The following HECW1 variants were observed in gnomAD, a reference collection of about 807,000 sequenced individuals.
HECW1 encodes the protein E3 ubiquitin-protein ligase HECW1.
HECW1 carries 61 observed loss-of-function variants against 182.3 expected under a neutral mutation model. The observed-to-expected ratio is 0.33, with a 90% CI of 0.27 to 0.41. HECW1 has a LOEUF of 0.41. Ranked by LOEUF, HECW1 falls within the 10% of genes least tolerant of loss-of-function variation. The pLI, the probability that HECW1 is intolerant of heterozygous loss-of-function variation, is 1.00. For missense variants in HECW1, 1,739 were observed against 2,108.9 expected (o/e 0.82, Z 3.44); for synonymous variants, 859 against 832.6 (o/e 1.03, Z -0.55).
chr7:43,377,141 C>T (rs978101203), intron 6 of HECW1, among the ~76,000 whole-genome samples: 1 of 152,084 alleles, frequency 6.6e-6, no homozygotes, highest in African/African-American at 2.4e-5. Context: ...CTGGCCTCAC[C>T]CAACACCATG....
At chr7:43,441,464 G>C (rs2152875173) in intron 9 of HECW1, among the ~76,000 whole-genome samples, 1 of 152,300 alleles carries the variant, frequency 6.6e-6, no homozygotes, top group South Asian at 2.1e-4. Context: ...ATATGCATCT[G>C]CTGGCACTGT....
intron 2 of HECW1, among the ~76,000 whole-genome samples, chr7:43,173,626 A>G (rs1263264863): frequency 6.6e-6 from 1 of 152,088 alleles, no homozygotes; most frequent in Non-Finnish European, 1.5e-5. Flanking sequence ...AGTGGGGTTC[A>G]CCCTCCTATG....
chr7:43,320,100 A>G (rs1809901924), intron 4 of HECW1, among the ~76,000 whole-genome samples: 1 of 152,168 alleles, frequency 6.6e-6, no homozygotes, highest in Non-Finnish European at 1.5e-5. Flanking sequence ...TGAATGAACA[A>G]TGAATGCATG....
At chr7:43,194,404 A>G (rs2152685174) in intron 2 of HECW1, 1 of 152,252 alleles carries the variant, frequency 6.6e-6, no homozygotes, top group East Asian at 1.9e-4. Flanking sequence ...GATGCAGTGT[A>G]TGAAGAACCA....
intron 8 of HECW1, among the ~76,000 whole-genome samples, chr7:43,410,189 G>T (rs2075753610): frequency 6.6e-6 from 1 of 152,190 alleles, no homozygotes; most frequent in African/African-American, 2.4e-5. Flanking sequence ...GGGAGAAAAT[G>T]ACTGGGTGGC....
At chr7:43,179,196 C>T (rs1278060259) in intron 2 of HECW1, among the ~76,000 whole-genome samples, 1 of 152,170 alleles carries the variant, frequency 6.6e-6, no homozygotes, top group Admixed American at 6.6e-5. Flanking sequence ...ATAGCCAAAC[C>T]AAGATGCTGG....
At chr7:43,519,918 G>A (rs1218078164) in intron 24 of HECW1, among the ~76,000 whole-genome samples, 1 of 152,068 alleles carries the variant, frequency 6.6e-6, no homozygotes, top group East Asian at 1.9e-4. Flanking sequence ...ATATGGAAGG[G>A]CACATTTTAG....
intron 2 of HECW1, among the ~76,000 whole-genome samples, chr7:43,219,779 G>A (rs893690829): frequency 6.6e-6 from 1 of 152,240 alleles, no homozygotes; most frequent in African/African-American, 2.4e-5. Context: ...GTACAGGGCT[G>A]TCTGCTTGTG....
At chr7:43,405,737 G>A (rs116832337) in intron 7 of HECW1, among the ~76,000 whole-genome samples, 61 of 152,316 alleles carry the variant, frequency 4.0e-4, no homozygotes, top group African/African-American at 1.3e-3. Flanking sequence ...ACTCGTACCC[G>A]TTCTGGGAAG....
chr7:43,420,576 C>T (rs966195701), intron 8 of HECW1, among the ~76,000 whole-genome samples: 3 of 152,140 alleles, frequency 2.0e-5, no homozygotes, highest in African/African-American at 2.4e-5. Context: ...GTAAACAGTA[C>T]AAAACATTAC....
intron 3 of HECW1, among the ~76,000 whole-genome samples, chr7:43,287,079 A>G (rs1224846758): frequency 6.6e-6 from 1 of 152,182 alleles, no homozygotes. Flanking sequence ...TGAACGTAAC[A>G]AAGTCCTCAT....
chr7:43,456,394 G>C lies in HECW1; in HGVS notation c.2598G>C (p.Pro866=). The C allele has an allele frequency of 1.2e-6, 2 of 1,614,052 alleles. No individual in the cohort carries two copies. Among genetic ancestry groups the C allele is most frequent in the South Asian group, 2.2e-5 (2 of 91,032 alleles). Residue 866 remains proline, a synonymous_variant, in exon 13 of 30, where the codon CCG becomes CCC. Coordinates refer to ENST00000395891, the MANE Select transcript of HECW1 (RefSeq NM_015052.5). ...TWQRPTAAAT[P]DGMRRSGSIQ... ...AGCGTCCGACGGCAGCAGCCACCCC[G>C]GATGGCATGCGGAGATCGGGGTCCA...
At position 43,243,534 on chromosome 7, in the gene HECW1, G is replaced by T. The variant is rs1187046851; in HGVS notation, c.-31-341G>T. On this transcript the variant is annotated intron_variant, in intron 2 of 29. Coordinates refer to ENST00000395891, the MANE Select transcript of HECW1 (RefSeq NM_015052.5). This position sits in a 1 kb window ranked among gnomAD's most constrained non-coding sequence, Gnocchi z 4.0. ...TGCTTTTCGCTGGCCTTCTCAGACG[G>T]CTGGGAGAGCAGAACTTCTCTTTCC... Among the ~76,000 whole-genome samples, 1 of 151,928 alleles carries T rather than the reference G, an allele frequency of 6.6e-6. No individual in the cohort carries two copies. The highest frequency in any genetic ancestry group is 1.5e-5 in the Non-Finnish European group (1 of 67,996).
intron 24 of HECW1, among the ~76,000 whole-genome samples, chr7:43,537,239 G>C (rs1451078648): frequency 6.6e-6 from 1 of 152,194 alleles, no homozygotes; most frequent in African/African-American, 2.4e-5. Context: ...CACAGGCAGA[G>C]GGAGCGGCTC....
chr7:43,136,933 A>G (rs1411804711), intron 2 of HECW1, among the ~76,000 whole-genome samples: 1 of 152,236 alleles, frequency 6.6e-6, no homozygotes, highest in East Asian at 1.9e-4. Context: ...TATTATCTCA[A>G]GTTTAATATG....
intron 8 of HECW1, among the ~76,000 whole-genome samples, chr7:43,435,132 T>A (rs868578979): frequency 5.3e-5 from 8 of 150,958 alleles, no homozygotes; most frequent in Middle Eastern, 6.9e-3. Flanking sequence ...TAGTGTTACA[T>A]GTAATTATAT....
chr7:43,311,205 T>C (rs749471027), intron 3 of HECW1, among the ~76,000 whole-genome samples: 50 of 152,318 alleles, frequency 3.3e-4, no homozygotes, highest in Non-Finnish European at 6.2e-4. Context: ...AAATCCTTCA[T>C]AGAAACTTCA....
intron 22 of HECW1, 80 bp from the exon 23 acceptor site, chr7:43,507,938 C>T: frequency 1.0e-6 from 1 of 954,686 alleles, no homozygotes; most frequent in Non-Finnish European, 1.7e-6. Context: ...AGAACCTAAA[C>T]CTGGACTCAC....
At chr7:43,216,469 G>T (rs1477901259) in intron 2 of HECW1, among the ~76,000 whole-genome samples, 2 of 152,086 alleles carry the variant, frequency 1.3e-5, no homozygotes, top group African/African-American at 4.8e-5. Flanking sequence ...ATGCCTTAAA[G>T]GTTTCTGCTG....
Sources: gnomAD v4.1 joint callset for allele counts (sites outside exome capture counted in the v4.1 genomes callset) on GRCh38, gnomAD v4.1.1 for gene constraint, Gnocchi (gnomAD v3.1) non-coding constraint, MANE v1.5 for transcripts, NCBI Gene and HGNC (gene_info 2026-07-23, HGNC 2026-07-21) for gene names.